Variants in RCAN3 observed in about 807,000 individuals in gnomAD.
RCAN3 encodes the protein regulator of calcineurin 3.
RCAN3 carries 19 observed loss-of-function variants against 21.9 expected under a neutral mutation model. The ratio of observed to expected loss-of-function variants is 0.87; its 90% confidence interval spans 0.61 to 1.27. RCAN3 has a LOEUF of 1.27. Ranked by LOEUF, RCAN3 falls within the 50% of genes most tolerant of loss-of-function variation. RCAN3 has a pLI of 0.00. For missense variants in RCAN3, 240 were observed against 300.1 expected, an observed-to-expected ratio of 0.80 and a Z score of 1.48; for synonymous variants, 114 against 112.3, an observed-to-expected ratio of 1.01 and a Z score of -0.09.
chr1:24,530,144 A>T (rs1445142811), intron 2 of RCAN3, among the ~76,000 whole-genome samples: 1 of 151,794 alleles, frequency 6.6e-6, no homozygotes, highest in Non-Finnish European at 1.5e-5. Context: ...CTTGAGCCCA[A>T]GGAGTTTGAG....
intron 4 of RCAN3, among the ~76,000 whole-genome samples, chr1:24,534,476 G>A (rs534077387): frequency 3.9e-5 from 6 of 152,206 alleles, no homozygotes; most frequent in African/African-American, 9.6e-5. Context: ...GCGTGATAGC[G>A]GGCGCCTGTA....
At position 24,539,792 on chromosome 1, in the gene RCAN3, T is replaced by G. The variant is rs1650410898; in HGVS notation, c.*4515T>G. 1 of 152,284 alleles carries G rather than the reference T, an allele frequency of 6.6e-6. No individual in the cohort carries two copies. Among genetic ancestry groups the G allele is most frequent in the African/African-American group, 2.4e-5 (1 of 41,476 alleles). 9.4% of individuals were successfully genotyped at this position (152,284 alleles called of 1,614,324 possible). ...GGTTTCTCCCCTTTCTGCAGAGCTG[T>G]GGACCCTGTACGTACCAAACAGGTG... is the stretch of plus-strand genomic sequence containing the variant. On this transcript the variant is annotated 3_prime_UTR_variant, in exon 5 of 5. Transcript: ENST00000374395.
chr1:24,532,782 A>G (rs1337007855), intron 3 of RCAN3, among the ~76,000 whole-genome samples: 3 of 151,082 alleles, frequency 2.0e-5, no homozygotes, highest in African/African-American at 7.3e-5. Context: ...CCCCGTCTCT[A>G]CTAAAAATAT....
chr1:24,511,281 C>G (rs1005572769), intron 1 of RCAN3, among the ~76,000 whole-genome samples: 3 of 152,122 alleles, frequency 2.0e-5, no homozygotes, highest in Non-Finnish European at 4.4e-5. Context: ...CCACTGCACT[C>G]CAGCCTGGGC....
chr1:24,516,894 G>C lies in RCAN3; in HGVS notation c.195+2327G>C, dbSNP rs544054033. On this transcript the variant is annotated intron_variant, in intron 2 of 4. Transcript: ENST00000374395. ...TTACAAATGCTATTTGCTTTCCCAA[G>C]TTCAGTCATAATTTAGACATTTTGA... 9.2e-5 allele frequency among the ~76,000 whole-genome samples: 14 copies of C among 152,284 alleles called. No homozygotes were observed. In the East Asian group the frequency reaches 2.5e-3, roughly 27 times the overall value.
chr1:24,534,077 C>A (rs187036715), intron 4 of RCAN3, among the ~76,000 whole-genome samples: 13 of 152,274 alleles, frequency 8.5e-5, no homozygotes, highest in Admixed American at 7.2e-4. Context: ...TACCTCTCTT[C>A]CTTTTAAAAT....
rs1186818428 is a variant in RCAN3 at position 24,503,019 on chromosome 1, C to T, written c.-191C>T. ...CGCCGCCCACCAGGCTCCCAGAGGC[C>T]CCGCAGCTCGCGCCGTCCGGCTCCC... On this transcript the variant is annotated 5_prime_UTR_variant, in exon 1 of 5. Transcript: ENST00000374395. 4 of 149,602 alleles carry T rather than the reference C, an allele frequency of 2.7e-5. No homozygotes were observed. The highest frequency in any genetic ancestry group is 2.0e-4 in the Admixed American group (3 of 15,070). 9.3% of individuals were successfully genotyped at this position (149,602 alleles called of 1,614,324 possible). A position where few individuals can be genotyped will look rare whatever the true frequency, so the allele number is the denominator to read the frequency against.
At chr1:24,508,291 C>G (rs899368003) in intron 1 of RCAN3, among the ~76,000 whole-genome samples, 7 of 152,166 alleles carry the variant, frequency 4.6e-5, no homozygotes, top group Non-Finnish European at 1.0e-4. Flanking sequence ...TCCAAACTAC[C>G]CATCCTCTTT....
At chr1:24,514,748 C>T (rs1648157731) in intron 2 of RCAN3, among the ~76,000 whole-genome samples, 181 bp downstream of exon 2, 1 of 151,938 alleles carries the variant, frequency 6.6e-6, no homozygotes, top group Non-Finnish European at 1.5e-5. Flanking sequence ...GTGGGCAGAT[C>T]ACCTGAGGTC....
rs1649170802 is a variant in RCAN3, at chr1:24,525,315, T to TA, written c.196-5903_196-5902insA. Among the ~76,000 whole-genome samples the TA allele has an allele frequency of 6.6e-6, 1 of 152,236 alleles. No individual in the cohort carries two copies. The highest frequency in any genetic ancestry group is 2.4e-5 in the African/African-American group (1 of 41,462). On this transcript the variant is annotated intron_variant, in intron 2 of 4. Transcript: ENST00000374395. The surrounding 1 kb of genome is among the most constrained non-coding windows in gnomAD (Gnocchi z 4.1). ...TCTTAGCTATTTTAGGTACAAGGTA[T>TA]GTACTGTCATTTTGATGACTGACTA...
intron 2 of RCAN3, among the ~76,000 whole-genome samples, chr1:24,523,125 G>A (rs188893830): frequency 4.6e-5 from 7 of 150,892 alleles, no homozygotes; most frequent in Non-Finnish European, 5.9e-5. Context: ...GTGTAATGGC[G>A]CAATCTCAGC....
chr1:24,524,826 T>A (rs1387079696), intron 2 of RCAN3, among the ~76,000 whole-genome samples: 1 of 113,430 alleles, frequency 8.8e-6, no homozygotes, highest in Non-Finnish European at 1.7e-5. Flanking sequence ...TTGTTTTCTT[T>A]TGTTTTTTTT....
intron 4 of RCAN3, among the ~76,000 whole-genome samples, chr1:24,534,099 CCGATGTGATG>C (rs1650018496): frequency 6.6e-6 from 1 of 152,090 alleles, no homozygotes; most frequent in Non-Finnish European, 1.5e-5. Flanking sequence ...ATATAAGAAA[CCGATGTGATG>C]CTGGTTCAGA....
intron 3 of RCAN3, among the ~76,000 whole-genome samples, chr1:24,531,607 C>T (rs1649765107): frequency 1.3e-5 from 2 of 152,122 alleles, no homozygotes; most frequent in Admixed American, 1.3e-4. Flanking sequence ...TTTGCTGAGA[C>T]TAGTAGTTGA....
rs1366627266 is a variant in RCAN3 at position 24,525,812 on chromosome 1, C to T, written c.196-5406C>T. 6.6e-6 allele frequency among the ~76,000 whole-genome samples: 1 copy of T among 152,096 alleles called. No homozygotes were observed. Among genetic ancestry groups the T allele is most frequent in the East Asian group, 1.9e-4 (1 of 5,194 alleles). On this transcript the variant is annotated intron_variant, in intron 2 of 4. Coordinates refer to ENST00000374395, the MANE Select transcript of RCAN3 (RefSeq NM_013441.4). This position sits in a 1 kb window ranked among gnomAD's most constrained non-coding sequence, Gnocchi z 4.1. ...CCCTTTCGTGCTAATGCCGGGTTAT[C>T]AGGGGCAGCCTCAGGAATCTACATG...
rs1311072692 is a variant in RCAN3 at position 24,538,794 on chromosome 1, T to C, written c.*3517T>C. ...AGATAGAGGTGAAGTGCAGTACTTT[T>C]ATTCTTTAAGAATATAGTCTTTAGC... On this transcript the variant is annotated 3_prime_UTR_variant, in exon 5 of 5. Coordinates refer to ENST00000374395, the MANE Select transcript of RCAN3 (RefSeq NM_013441.4). The C allele has an allele frequency of 6.6e-6, 1 of 152,094 alleles. No homozygotes were observed. Among genetic ancestry groups the C allele is most frequent in the Non-Finnish European group, 1.5e-5 (1 of 68,034 alleles). 9.4% of individuals were successfully genotyped at this position (152,094 alleles called of 1,614,324 possible).
chr1:24,505,004 G>A (rs1431585641), intron 1 of RCAN3, among the ~76,000 whole-genome samples: 1 of 152,108 alleles, frequency 6.6e-6, no homozygotes, highest in East Asian at 1.9e-4. Flanking sequence ...AACAAGACAT[G>A]GGTCATTGAA....
rs560446939 is a variant in RCAN3, at chr1:24,538,286, T to G, written c.*3009T>G. The G allele has an allele frequency of 2.0e-5, 3 of 152,342 alleles. No individual in the cohort carries two copies. The highest frequency in any genetic ancestry group is 7.2e-5 in the African/African-American group (3 of 41,578). The allele number at this position is 152,342 out of a possible 1,614,324, so 9.4% of individuals were successfully genotyped here. ...CAAATTAGTCTTTTCACATTCTGCT[T>G]CTTCAAAATGTTGTACTCAAAAACA... On this transcript the variant is annotated 3_prime_UTR_variant, in exon 5 of 5. Coordinates refer to ENST00000374395, the MANE Select transcript of RCAN3 (RefSeq NM_013441.4).
intron 2 of RCAN3, among the ~76,000 whole-genome samples, chr1:24,523,427 A>G (rs1473659267): frequency 6.6e-6 from 1 of 152,050 alleles, no homozygotes; most frequent in African/African-American, 2.4e-5. Flanking sequence ...TGAGTTTAGG[A>G]AGATTGCAGG....
Sources: gnomAD v4.1 joint callset for allele counts (sites outside exome capture counted in the v4.1 genomes callset) on GRCh38, gnomAD v4.1.1 for gene constraint, Gnocchi (gnomAD v3.1) non-coding constraint, MANE v1.5 for transcripts, NCBI Gene and HGNC (gene_info 2026-07-23, HGNC 2026-07-21) for gene names.